The following FBLN5 variants were observed in gnomAD, a reference collection of about 807,000 sequenced individuals.
The protein encoded by FBLN5 is fibulin 5, also known as fibulin-5.
Under a neutral mutation model 61.6 loss-of-function variants are expected in FBLN5, and 24 were observed. That is an observed-to-expected ratio of 0.39 (90% CI 0.28 to 0.55). The LOEUF is 0.55. Among genes scored for constraint, FBLN5 ranks in the 20% least tolerant of loss-of-function variants. FBLN5 has a pLI of 0.65. For missense variants in FBLN5, 470 were observed against 594.1 expected (o/e 0.79, Z 2.17); for synonymous variants, 213 against 219.8 (o/e 0.97, Z 0.27).
intron 9 of FBLN5, among the ~76,000 whole-genome samples, chr14:91,880,526 C>CGTGCGTGT (rs1555374792): frequency 1.4e-5 from 2 of 147,456 alleles, no homozygotes; most frequent in African/African-American, 5.0e-5. Flanking sequence ...AGTGTGCGTG[C>CGTGCGTGT]GTGTGTGTGT....
At chr14:91,931,613 C>A (rs1217086737) in intron 4 of FBLN5, among the ~76,000 whole-genome samples, 1 of 152,136 alleles carries the variant, frequency 6.6e-6, no homozygotes, top group Admixed American at 6.5e-5. Flanking sequence ...TTCTGCAGTC[C>A]CCGGAGTAGC....
chr14:91,893,869 A>G (rs950452311), intron 5 of FBLN5, among the ~76,000 whole-genome samples: 1 of 152,202 alleles, frequency 6.6e-6, no homozygotes, highest in Non-Finnish European at 1.5e-5. Flanking sequence ...GGAAGGGCAA[A>G]GACAGGGTGT....
chr14:91,937,334 G>T, intron 3 of FBLN5, 133 bp from the exon 4 acceptor site: 1 of 1,140,740 alleles, frequency 8.8e-7, no homozygotes, highest in Non-Finnish European at 1.3e-6. Flanking sequence ...ACTCATCGCG[G>T]TAAGGTACCC....
At chr14:91,928,605 C>T (rs975473428) in intron 4 of FBLN5, among the ~76,000 whole-genome samples, 3 of 151,584 alleles carry the variant, frequency 2.0e-5, no homozygotes. Flanking sequence ...GACCCTGTCT[C>T]TACAAAAGAT....
chr14:91,904,764 C>T (rs1249704140), intron 4 of FBLN5, among the ~76,000 whole-genome samples: 1 of 152,238 alleles, frequency 6.6e-6, no homozygotes, highest in Non-Finnish European at 1.5e-5. Flanking sequence ...TCCCAAAGGA[C>T]CCACCTTGTA....
chr14:91,925,884 C>A (rs2140030798), intron 4 of FBLN5, among the ~76,000 whole-genome samples: 1 of 152,316 alleles, frequency 6.6e-6, no homozygotes, highest in South Asian at 2.1e-4. Flanking sequence ...AACAAGGAGA[C>A]TCTTGGTCAC....
In FBLN5 at chr14:91,942,928, A is replaced by C. The variant is rs2056128854; in HGVS notation, c.51T>G (p.Leu17=). ...ILTVTILALC[L]PSPGNAQAQC... ...TTACCTGTGCATTCCCAGGGCTTGG[A>C]AGACAGAGAGCCAGAATGGTAACAG... Residue 17 remains leucine, a synonymous_variant, in exon 2 of 11, where the codon CTT becomes CTG. Coordinates refer to ENST00000342058, the MANE Select transcript of FBLN5 (RefSeq NM_006329.4). The C allele has an allele frequency of 3.2e-6, 5 of 1,549,246 alleles. No individual in the cohort carries two copies. In the African/African-American group the frequency reaches 6.8e-5, roughly 21 times the overall value.
At chr14:91,894,822 CCCCTCCCG>C (rs1890152261) in intron 5 of FBLN5, 120 bp downstream of exon 5, 5 of 417,558 alleles carry the variant, frequency 1.2e-5, no homozygotes, top group South Asian at 8.5e-5. Flanking sequence ...TAGCCTTCCA[CCCCTCCCG>C]CCCTCCCTAG....
intron 4 of FBLN5, among the ~76,000 whole-genome samples, chr14:91,902,219 G>A (rs1890480823): frequency 2.0e-5 from 3 of 151,918 alleles, no homozygotes; most frequent in Non-Finnish European, 2.9e-5. Flanking sequence ...GATGTCCTGA[G>A]AGGAAGGGGA....
At chr14:91,876,300 G>A (rs1227455156) in intron 10 of FBLN5, among the ~76,000 whole-genome samples, 2 of 152,156 alleles carry the variant, frequency 1.3e-5, no homozygotes, top group Admixed American at 1.3e-4. Context: ...AGTCTCTAAT[G>A]AAAGCATATA....
At chr14:91,894,428 C>CAAAAAAA (rs1491576623) in intron 5 of FBLN5, among the ~76,000 whole-genome samples, 9 of 72,600 alleles carry the variant, frequency 1.2e-4, no homozygotes, top group Admixed American at 2.2e-4. Flanking sequence ...AAAAAAAAAA[C>CAAAAAAA]CGAAAAAAAC....
intron 4 of FBLN5, among the ~76,000 whole-genome samples, chr14:91,930,580 T>C (rs185743210): frequency 3.3e-5 from 5 of 152,326 alleles, no homozygotes; most frequent in Admixed American, 3.3e-4. Flanking sequence ...GGTCTCAGCC[T>C]GAGGACTGAG....
Position 91,870,315 on chromosome 14 carries a change from T to G in FBLN5, c.1256A>C (p.Asp419Ala). The change falls in exon 11 of 11, where the codon GAC becomes GCC. Residue 419 changes from aspartate to alanine, a missense_variant. Asp to Ala is a moderately radical substitution (Grantham distance 126). Transcript: ENST00000342058. ...PIKGPREIQL[D>A]LEMITVNTVI... ...AGTGTTGACAGTGATCATTTCCAAG[T>G]CCAGCTGGATTTCCCGGGGCCCTTT... 6.2e-7 allele frequency: 1 copy of G among 1,614,178 alleles called. No homozygotes were observed. The highest frequency in any genetic ancestry group is 8.5e-7 in the Non-Finnish European group (1 of 1,180,016).
chr14:91,877,277 G>A (rs1218545448), intron 10 of FBLN5, among the ~76,000 whole-genome samples: 1 of 152,168 alleles, frequency 6.6e-6, no homozygotes, highest in Non-Finnish European at 1.5e-5. Context: ...TTTCACAGAT[G>A]AGGATCCTGA....
At chr14:91,893,857 G>A (rs918900096) in intron 5 of FBLN5, among the ~76,000 whole-genome samples, 2 of 152,226 alleles carry the variant, frequency 1.3e-5, no homozygotes, top group Non-Finnish European at 2.9e-5. Context: ...GGTTGGTGGC[G>A]GGGAAGGGCA....
intron 10 of FBLN5, among the ~76,000 whole-genome samples, chr14:91,875,315 G>A (rs1367987413): frequency 1.3e-5 from 2 of 152,150 alleles, no homozygotes; most frequent in Admixed American, 6.5e-5. Context: ...AGAGAGGAAC[G>A]GGGAATGCAA....
At chr14:91,911,943 A>C (rs895731951) in intron 4 of FBLN5, among the ~76,000 whole-genome samples, 9 of 152,220 alleles carry the variant, frequency 5.9e-5, no homozygotes, top group African/African-American at 2.2e-4. Flanking sequence ...TCCTCATCTG[A>C]TGTTACTTTA....
intron 10 of FBLN5, among the ~76,000 whole-genome samples, chr14:91,872,830 T>C (rs547529108): frequency 6.6e-6 from 1 of 152,284 alleles, no homozygotes; most frequent in Admixed American, 6.5e-5. Context: ...CTGCAGCCTT[T>C]ACATATACAA....
At chr14:91,941,081 G>A (rs2056097370) in intron 2 of FBLN5, among the ~76,000 whole-genome samples, 1 of 152,172 alleles carries the variant, frequency 6.6e-6, no homozygotes, top group Admixed American at 6.5e-5. Context: ...CATGCTCCCT[G>A]TTCATCCCCT....
Sources: gnomAD v4.1 joint callset for allele counts (sites outside exome capture counted in the v4.1 genomes callset) on GRCh38, gnomAD v4.1.1 for gene constraint, MANE v1.5 for transcripts, NCBI Gene and HGNC (gene_info 2026-07-23, HGNC 2026-07-21) for gene names.